The following NBPF8 variants were observed in gnomAD, a reference collection of about 807,000 sequenced individuals.
NBPF8 encodes NBPF member 8.
At chr1:120,425,593 T>G (rs1385121785) in intron 1 of NBPF8, among the ~76,000 whole-genome samples, 2 of 152,214 alleles carry the variant, frequency 1.3e-5, no homozygotes, top group Non-Finnish European at 2.9e-5. Context: ...GTCCTCCGTA[T>G]GCTGAACGCC....
intron 3 of NBPF8, among the ~76,000 whole-genome samples, chr1:120,430,584 C>T (rs1660849138): frequency 7.2e-6 from 1 of 138,144 alleles, no homozygotes; most frequent in South Asian, 2.2e-4. Flanking sequence ...GAAACCCCAT[C>T]TCTACTAAAA....
At chr1:120,465,867 T>A (rs1428818948) in intron 24 of NBPF8, 111 bp from the exon 23 acceptor site, 1 of 1,609,368 alleles carries the variant, frequency 6.2e-7, no homozygotes, top group African/African-American at 1.3e-5. Flanking sequence ...CATTAATGGA[T>A]CTGTCCTTTT....
At position 120,462,650 on chromosome 1, in the gene NBPF8, A is replaced by C. The variant is rs1283684487; in HGVS notation, n.3062-144A>C. The C allele has an allele frequency of 5.9e-4, 172 of 289,936 alleles. 2 individuals are homozygous for C. The highest frequency in any genetic ancestry group is 1.9e-3 in the Middle Eastern group (2 of 1,046). The allele number at this position is 289,936 out of a possible 1,614,324, so 18.0% of individuals were successfully genotyped here. ...CTACCTGGCCCTGGTCTATCCCAAC[A>C]TAAAGGCAATAATTCATTACCTCAT... On this transcript the variant is annotated intron_variant and non_coding_transcript_variant, in intron 20 of 24. Coordinates refer to ENST00000583271, the Ensembl canonical transcript of NBPF8.
chr1:120,453,236 T>TA (rs1661336533), intron 13 of NBPF8, 136 bp from the exon 12 acceptor site: 1 of 519,168 alleles, frequency 1.9e-6, no homozygotes, highest in Non-Finnish European at 3.5e-6. Context: ...GGCATTCTGT[T>TA]AAAGATAAAA....
intron 17 of NBPF8, among the ~76,000 whole-genome samples, chr1:120,460,026 G>T (rs1661533240): frequency 1.3e-5 from 2 of 152,206 alleles, no homozygotes; most frequent in African/African-American, 4.8e-5. Flanking sequence ...TGTCTTCTAA[G>T]TTCGCTTGCT....
intron 23 of NBPF8, 29 bp from the exon 22 acceptor site, chr1:120,465,234 G>C (rs1570947284): frequency 4.0e-6 from 2 of 497,436 alleles, no homozygotes; most frequent in South Asian, 3.6e-5. Flanking sequence ...TCAGCTTAAT[G>C]TGTCTGTCCA....
At chr1:120,422,516 G>A (rs2101470491) in intron 1 of NBPF8, among the ~76,000 whole-genome samples, 1 of 109,632 alleles carries the variant, frequency 9.1e-6, no homozygotes, top group East Asian at 1.9e-4. Flanking sequence ...CTTCTTTCTA[G>A]CATTGTGTAC....
exon 13 of NBPF8, chr1:120,452,226 C>A: frequency 7.8e-7 from 1 of 1,275,270 alleles, no homozygotes; most frequent in Non-Finnish European, 1.1e-6. Context: ...TCTCCAGGCC[C>A]TCCTCACTCC....
At chr1:120,415,945 C>T (rs1386022058), upstream of NBPF8, among the ~76,000 whole-genome samples, 7 of 152,178 alleles carry the variant, frequency 4.6e-5, no homozygotes, top group Non-Finnish European at 7.3e-5. Context: ...TTAACCAAGA[C>T]GTTTGGCGTG....
At chr1:120,418,388 T>A (rs1195530032), upstream of NBPF8, among the ~76,000 whole-genome samples, 2 of 88,102 alleles carry the variant, frequency 2.3e-5, no homozygotes, top group Non-Finnish European at 4.1e-5. Context: ...ACAATCTTCC[T>A]GTCAAGGCAG....
At position 120,464,247 on chromosome 1, in the gene NBPF8, G is replaced by T. The variant is rs1185645245; in HGVS notation, n.3287-129G>T. 3.6e-4 allele frequency: 216 copies of T among 603,178 alleles called. 2 individuals carry two copies. In the African/African-American group the frequency reaches 4.3e-3, roughly 12 times the overall value. 37.4% of individuals were successfully genotyped at this position (603,178 alleles called of 1,614,324 possible). A position where few individuals can be genotyped will look rare whatever the true frequency, so the allele number is the denominator to read the frequency against. On this transcript the variant is annotated intron_variant and non_coding_transcript_variant, in intron 22 of 24. Transcript: ENST00000583271. ...TGTCCCAACATGAAGGCAATAATTTGTTACCTCATTAATGGATCTATCCTT... is the reference window on the plus strand; with the variant it reads ...TGTCCCAACATGAAGGCAATAATTTTTTACCTCATTAATGGATCTATCCTT...
chr1:120,468,915 C>T (rs1305396394), downstream of NBPF8, among the ~76,000 whole-genome samples: 5 of 152,070 alleles, frequency 3.3e-5, no homozygotes, highest in Admixed American at 2.6e-4. Flanking sequence ...CACCTGAGGG[C>T]CACAGTGTTC....
upstream of NBPF8, among the ~76,000 whole-genome samples, chr1:120,419,666 T>A (rs1660522424): frequency 6.9e-6 from 1 of 145,088 alleles, no homozygotes; most frequent in East Asian, 2.1e-4. Context: ...CTTACTATGT[T>A]GCCGAGGCTG....
At chr1:120,421,877 G>T (rs1443729052) in intron 1 of NBPF8, among the ~76,000 whole-genome samples, 10 of 151,952 alleles carry the variant, frequency 6.6e-5, no homozygotes, top group Admixed American at 4.6e-4. Context: ...AGATGACTGA[G>T]GCTGCTTCTG....
chr1:120,434,319 G>A (rs1485897260), upstream of NBPF8, among the ~76,000 whole-genome samples: 2,500 of 144,494 alleles, frequency 0.017, 70 homozygotes, highest in African/African-American at 0.059. Context: ...GTATATACAC[G>A]TATATATATT....
Position 120,454,479 on chromosome 1 carries a change from C to T in NBPF8, n.2568+365C>T, listed in dbSNP as rs1661377927. Among the ~76,000 whole-genome samples, 9 of 152,204 alleles carry T rather than the reference C, an allele frequency of 5.9e-5. No individual in the cohort carries two copies. In the South Asian group the frequency reaches 1.7e-3, roughly 28 times the overall value. ...TATGCCTGTTTAAGGAAGCTGGCAG[C>T]CTTGCCTTTGTATTTGGAATTATTG... On this transcript the variant is annotated intron_variant and non_coding_transcript_variant, in intron 15 of 24. Coordinates refer to ENST00000583271, the Ensembl canonical transcript of NBPF8.
downstream of NBPF8, among the ~76,000 whole-genome samples, chr1:120,468,324 A>G (rs1553251003): frequency 3.9e-5 from 6 of 152,038 alleles, no homozygotes; most frequent in East Asian, 5.8e-4. Context: ...TGTCACAGTC[A>G]TCACTTGCTG....
chr1:120,462,402 C>T (rs1339476508), intron 20 of NBPF8, among the ~76,000 whole-genome samples: 5 of 148,282 alleles, frequency 3.4e-5, no homozygotes, highest in South Asian at 4.3e-4. Context: ...TATAGGTTGA[C>T]CATACCTCAA....
chr1:120,460,370 G>A (rs1353003665), intron 17 of NBPF8, among the ~76,000 whole-genome samples: 3 of 152,052 alleles, frequency 2.0e-5, no homozygotes, highest in African/African-American at 7.3e-5. Flanking sequence ...CCAACTCAGG[G>A]GAATTTTGCC....
Sources: allele counts gnomAD v4.1 joint callset (sites outside exome capture counted in the v4.1 genomes callset), GRCh38; gene constraint gnomAD v4.1.1; transcripts MANE v1.5; gene names NCBI Gene and HGNC (gene_info 2026-07-23, HGNC 2026-07-21).